Variants in KIAA1328 observed in about 807,000 individuals in gnomAD.
KIAA1328 encodes the protein protein hinderin.
KIAA1328 carries 52 observed loss-of-function variants against 68.1 expected under a neutral mutation model. That is an observed-to-expected ratio of 0.76 (90% confidence interval 0.61 to 0.96). The LOEUF is 0.96. Ranked by LOEUF, KIAA1328 falls within the 40% of genes least tolerant of loss-of-function variation. The pLI is 0.00. For synonymous variants in KIAA1328, 232 were observed against 239.4 expected (o/e 0.97, Z 0.28); for missense variants, 641 against 677.6 (o/e 0.95, Z 0.60).
intron 7 of KIAA1328, among the ~76,000 whole-genome samples, chr18:37,117,887 A>AT (rs1556890834): frequency 0.055 from 8,075 of 147,420 alleles, 644 homozygotes; most frequent in African/African-American, 0.18. Flanking sequence ...AAAAAAAAAA[A>AT]ATATATATAT....
chr18:37,104,663 G>T (rs1235837616), intron 7 of KIAA1328, among the ~76,000 whole-genome samples: 4 of 152,150 alleles, frequency 2.6e-5, no homozygotes, highest in Admixed American at 2.6e-4. Context: ...CCACCATAAA[G>T]AAATGATAAA....
At chr18:37,060,843 C>T (rs925583010) in intron 6 of KIAA1328, among the ~76,000 whole-genome samples, 2 of 152,182 alleles carry the variant, frequency 1.3e-5, no homozygotes, top group African/African-American at 4.8e-5. Flanking sequence ...GCGGGCTGAG[C>T]GCTGTGGCTC....
chr18:36,914,944 A>T (rs2151085689), intron 5 of KIAA1328, among the ~76,000 whole-genome samples: 1 of 152,350 alleles, frequency 6.6e-6, no homozygotes, highest in Admixed American at 6.5e-5. Flanking sequence ...ATGGAGTAGA[A>T]GATTCAACAT....
chr18:37,212,620 T>C (rs1181564123), intron 9 of KIAA1328, among the ~76,000 whole-genome samples: 1 of 152,230 alleles, frequency 6.6e-6, no homozygotes, highest in Non-Finnish European at 1.5e-5. Context: ...GTATTTTGGG[T>C]ATCATAATTT....
intron 9 of KIAA1328, among the ~76,000 whole-genome samples, chr18:37,183,829 G>T (rs1458954697): frequency 6.6e-6 from 1 of 152,146 alleles, no homozygotes; most frequent in Non-Finnish European, 1.5e-5. Context: ...AAACATTCCT[G>T]ATACTTTCTA....
intron 4 of KIAA1328, among the ~76,000 whole-genome samples, chr18:36,870,693 G>A (rs916540920): frequency 3.3e-5 from 5 of 152,134 alleles, no homozygotes; most frequent in African/African-American, 7.2e-5. Context: ...TAACATTGGT[G>A]CAGTATTATT....
At chr18:36,906,332 G>C (rs1290788001) in intron 5 of KIAA1328, among the ~76,000 whole-genome samples, 1 of 152,082 alleles carries the variant, frequency 6.6e-6, no homozygotes, top group African/African-American at 2.4e-5. Context: ...TATATTCTAT[G>C]CTTCACCTAT....
intron 6 of KIAA1328, among the ~76,000 whole-genome samples, chr18:36,987,578 GA>G (rs1468398499): frequency 6.6e-6 from 1 of 151,910 alleles, no homozygotes; most frequent in Non-Finnish European, 1.5e-5. Flanking sequence ...TAAATCTCTA[GA>G]AAAAGCAAAG....
At chr18:36,957,744 C>A (rs1265420475) in intron 5 of KIAA1328, among the ~76,000 whole-genome samples, 1 of 152,080 alleles carries the variant, frequency 6.6e-6, no homozygotes, top group African/African-American at 2.4e-5. Flanking sequence ...TGGCAGTACT[C>A]TTACCAGAAC....
intron 6 of KIAA1328, among the ~76,000 whole-genome samples, chr18:37,032,450 T>C (rs1339229080): frequency 6.6e-6 from 1 of 152,088 alleles, no homozygotes; most frequent in African/African-American, 2.4e-5. Flanking sequence ...CTAGTATCAT[T>C]TTATTTATAC....
chr18:37,174,016 C>A (rs559318094), intron 9 of KIAA1328, among the ~76,000 whole-genome samples: 12 of 152,252 alleles, frequency 7.9e-5, no homozygotes, highest in Admixed American at 6.5e-4. Context: ...TCTTAAAGAA[C>A]TTTTGAGAAA....
intron 7 of KIAA1328, among the ~76,000 whole-genome samples, chr18:37,081,284 G>A (rs577066566): frequency 6.6e-6 from 1 of 152,148 alleles, no homozygotes; most frequent in East Asian, 1.9e-4. Flanking sequence ...GCCCCGCCAG[G>A]ACATTTTTAA....
At chr18:37,003,196 A>G (rs1002697893) in intron 6 of KIAA1328, among the ~76,000 whole-genome samples, 17 of 152,276 alleles carry the variant, frequency 1.1e-4, no homozygotes, top group African/African-American at 4.1e-4. Flanking sequence ...TCAACTCAAA[A>G]TGGATTAAAG....
At chr18:37,140,823 TAAC>T (rs2058750192) in intron 7 of KIAA1328, among the ~76,000 whole-genome samples, 1 of 152,182 alleles carries the variant, frequency 6.6e-6, no homozygotes, top group Non-Finnish European at 1.5e-5. Flanking sequence ...GTTGTTCTAT[TAAC>T]AAATAATTCA....
chr18:36,893,970 A>G (rs2048786417), intron 5 of KIAA1328, among the ~76,000 whole-genome samples: 2 of 152,120 alleles, frequency 1.3e-5, no homozygotes, highest in East Asian at 3.9e-4. Flanking sequence ...GCATTTTTAT[A>G]TTGCTTTTCT....
intron 3 of KIAA1328, among the ~76,000 whole-genome samples, chr18:36,838,868 G>A (rs1000857836): frequency 6.6e-6 from 1 of 152,084 alleles, no homozygotes; most frequent in Non-Finnish European, 1.5e-5. Context: ...CTGAGTAGCT[G>A]GGATTACGGG....
At chr18:36,839,887 T>G (rs1255686028) in intron 3 of KIAA1328, among the ~76,000 whole-genome samples, 1 of 152,178 alleles carries the variant, frequency 6.6e-6, no homozygotes, top group South Asian at 2.1e-4. Context: ...AGAAATTGTT[T>G]CCACTGTTCA....
intron 5 of KIAA1328, among the ~76,000 whole-genome samples, chr18:36,926,682 T>C (rs1042754601): frequency 6.6e-6 from 1 of 152,226 alleles, no homozygotes; most frequent in Non-Finnish European, 1.5e-5. Context: ...ATATTTGAAA[T>C]TCTTCTATAC....
intron 6 of KIAA1328, among the ~76,000 whole-genome samples, chr18:37,026,101 G>A (rs1183001651): frequency 6.6e-6 from 1 of 152,186 alleles, no homozygotes; most frequent in East Asian, 1.9e-4. Flanking sequence ...ACAACTGTAT[G>A]CAAATAAACT....
Sources: gnomAD v4.1 joint callset for allele counts (sites outside exome capture counted in the v4.1 genomes callset) on GRCh38, gnomAD v4.1.1 for gene constraint, MANE v1.5 for transcripts, NCBI Gene and HGNC (gene_info 2026-07-23, HGNC 2026-07-21) for gene names.